TGFBR3: variants seen among roughly 807,000 people sequenced by gnomAD.
TGFBR3 encodes the protein transforming growth factor beta receptor type 3.
In TGFBR3, 46 loss-of-function variants were observed where a neutral mutation model predicts 87.9. The ratio of observed to expected loss-of-function variants is 0.52; its 90% CI spans 0.41 to 0.67. The LOEUF (loss-of-function observed/expected upper bound fraction) is 0.67, where lower values mean the gene tolerates loss of function less well. TGFBR3 is among the 30% of genes least tolerant of loss of function. The pLI is 0.00. For synonymous variants in TGFBR3, 381 were observed against 391.6 expected, an observed-to-expected ratio of 0.97 and a Z score of 0.32; for missense variants, 866 against 1,041.9, an observed-to-expected ratio of 0.83 and a Z score of 2.32.
At chr1:91,695,401 TTAAACTCTAACAACAAAG>T in intron 16 of TGFBR3, 1 of 435,484 alleles carries the variant, frequency 2.3e-6, no homozygotes, top group East Asian at 4.9e-5. Flanking sequence ...TGCATTAACC[TTAAACTCTAACAACAAAG>T]TAGCTTTATT....
chr1:91,684,992 C>G (rs1488277566), intron 16 of TGFBR3, among the ~76,000 whole-genome samples: 1 of 152,154 alleles, frequency 6.6e-6, no homozygotes, highest in Non-Finnish European at 1.5e-5. Context: ...ACAAAACACT[C>G]GAGGAAAGGC....
intron 2 of TGFBR3, among the ~76,000 whole-genome samples, chr1:91,823,706 T>C (rs184514298): frequency 1.3e-5 from 2 of 152,334 alleles, no homozygotes; most frequent in African/African-American, 4.8e-5. Context: ...ACTGGGGATA[T>C]GGACTACAGG....
intron 1 of TGFBR3, among the ~76,000 whole-genome samples, chr1:91,864,778 C>T (rs528084382): frequency 8.5e-5 from 13 of 152,216 alleles, no homozygotes; most frequent in Non-Finnish European, 1.9e-4. Context: ...TTTGATAAAA[C>T]TAACGAAATA....
chr1:91,807,316 A>G lies in TGFBR3; in HGVS notation c.62-9845T>C, dbSNP rs151062995. Among the ~76,000 whole-genome samples, 435 of 152,332 alleles carry G rather than the reference A, an allele frequency of 2.9e-3. 3 individuals carry two copies. Among genetic ancestry groups the G allele is most frequent in the African/African-American group, 9.8e-3 (409 of 41,574 alleles). ...ATTTGGATTTCTCAGGGGGAAAAAAACTAGATTTTTCTACAGCACAACTCT... is the reference window on the plus strand; with the variant it reads ...ATTTGGATTTCTCAGGGGGAAAAAAGCTAGATTTTTCTACAGCACAACTCT... On this transcript the variant is annotated intron_variant, in intron 2 of 16. Coordinates refer to ENST00000212355, the MANE Select transcript of TGFBR3 (RefSeq NM_003243.5).
At chr1:91,817,346 T>C (rs899377574) in intron 2 of TGFBR3, among the ~76,000 whole-genome samples, 2 of 152,222 alleles carry the variant, frequency 1.3e-5, no homozygotes, top group African/African-American at 4.8e-5. Context: ...CTGTGTAATA[T>C]ATAAGATGTA....
intron 3 of TGFBR3, among the ~76,000 whole-genome samples, chr1:91,764,308 C>T (rs1408338070): frequency 5.5e-5 from 1 of 18,300 alleles, no homozygotes; most frequent in South Asian, 1.5e-3. Flanking sequence ...AATATAACCA[C>T]AAAAGAGACA....
intron 1 of TGFBR3, among the ~76,000 whole-genome samples, chr1:91,865,932 A>G (rs1041648144): frequency 1.4e-5 from 2 of 147,024 alleles, no homozygotes; most frequent in African/African-American, 2.5e-5. Flanking sequence ...AAAAAAAAAG[A>G]AAATTCTTAG....
At chr1:91,851,626 T>A (rs140059242) in intron 2 of TGFBR3, among the ~76,000 whole-genome samples, 1 of 152,204 alleles carries the variant, frequency 6.6e-6, no homozygotes, top group Non-Finnish European at 1.5e-5. Context: ...TAATTTCCTA[T>A]ATACACAACC....
chr1:91,883,117 T>A (rs1006643197), intron 1 of TGFBR3, among the ~76,000 whole-genome samples: 1 of 152,212 alleles, frequency 6.6e-6, no homozygotes, highest in Admixed American at 6.5e-5. Context: ...TGGATTTCCA[T>A]TTCTCCCAGG....
chr1:91,701,673 T>C (rs1483351820), intron 14 of TGFBR3, among the ~76,000 whole-genome samples: 1 of 152,204 alleles, frequency 6.6e-6, no homozygotes, highest in African/African-American at 2.4e-5. Context: ...CATGAGTAAC[T>C]GACCACAGCT....
At chr1:91,717,025 A>AGAATGGAGTT (rs1484773509) in intron 10 of TGFBR3, among the ~76,000 whole-genome samples, 3 of 152,240 alleles carry the variant, frequency 2.0e-5, no homozygotes, top group Non-Finnish European at 4.4e-5. Flanking sequence ...ACTAGATACT[A>AGAATGGAGTT]GAATGGAGTT....
rs200104902 is a variant in TGFBR3, at chr1:91,720,091, G to C, written c.1215C>G (p.Phe405Leu). 6.2e-7 allele frequency: 1 copy of C among 1,614,170 alleles called. No homozygotes were observed. Among genetic ancestry groups the C allele is most frequent in the African/African-American group, 1.3e-5 (1 of 75,040 alleles). The change falls in exon 9 of 17, where the codon TTC (phenylalanine) becomes TTG (leucine). Residue 405 changes from phenylalanine (F) to leucine (L), a missense_variant. Transcript: ENST00000212355. ...EGQNGGLPFP[F>L]PDISRRVWNE... ...TCCAGACTCTCCTGGAAATATCTGG[G>C]AAAGGAAACGGAAGGCCTCCATTTT...
intron 3 of TGFBR3, chr1:91,786,261 A>G (rs1386752859): frequency 2.2e-6 from 1 of 456,074 alleles, no homozygotes; most frequent in Non-Finnish European, 4.4e-6. Flanking sequence ...TTATGAGAGC[A>G]TTATTTAGAG....
intron 2 of TGFBR3, among the ~76,000 whole-genome samples, chr1:91,840,149 TAA>T (rs779696669): frequency 1.2e-4 from 17 of 139,990 alleles, no homozygotes; most frequent in Non-Finnish European, 1.1e-4. Context: ...ATCTCTACTT[TAA>T]AAAAAAAAAA....
chr1:91,749,463 T>C (rs1459256503), intron 4 of TGFBR3, among the ~76,000 whole-genome samples: 2 of 152,096 alleles, frequency 1.3e-5, no homozygotes, highest in African/African-American at 4.8e-5. Flanking sequence ...CAAAAGCAGA[T>C]CTTGAGAAAA....
In TGFBR3 at chr1:91,734,616, G is replaced by A. The variant is rs567794650; in HGVS notation, c.568+160C>T. On this transcript the variant is annotated intron_variant, in intron 5 of 16. Coordinates refer to ENST00000212355, the MANE Select transcript of TGFBR3 (RefSeq NM_003243.5). ...GAGGAAAAAAGAAGGGAGGGAATAT[G>A]GGGGGCGGTGGAGAGGCCTGGGGCC... 4.6e-5 allele frequency among the ~76,000 whole-genome samples: 7 copies of A among 152,340 alleles called. No homozygotes were observed. The East Asian group carries it at 5.8e-4, about 13-fold the overall frequency.
In TGFBR3 at chr1:91,680,887, T is replaced by A. The variant is rs1557651703; in HGVS notation, c.*2852A>T. On this transcript the variant is annotated 3_prime_UTR_variant, in exon 17 of 17. Transcript: ENST00000212355. ...ACCATTTTTTTTGTTTAGAAAATGCTATAGAAACAGTTTAGACAGAAGAAA... is the reference window on the plus strand; with the variant it reads ...ACCATTTTTTTTGTTTAGAAAATGCAATAGAAACAGTTTAGACAGAAGAAA... The A allele has an allele frequency of 2.2e-6, 1 of 451,466 alleles. No individual in the cohort carries two copies. Among genetic ancestry groups the A allele is most frequent in the African/African-American group, 2.0e-5 (1 of 49,914 alleles). The allele number at this position is 451,466 out of a possible 1,614,324, so 28.0% of individuals were successfully genotyped here. A position where few individuals can be genotyped will look rare whatever the true frequency, so the allele number is the denominator to read the frequency against.
At chr1:91,765,776 A>T (rs1035604901) in intron 3 of TGFBR3, among the ~76,000 whole-genome samples, 1 of 152,258 alleles carries the variant, frequency 6.6e-6, no homozygotes, top group African/African-American at 2.4e-5. Flanking sequence ...TATCTTTTAG[A>T]GGCATAGAAT....
At chr1:91,877,999 T>A (rs949965956) in intron 1 of TGFBR3, among the ~76,000 whole-genome samples, 4 of 152,234 alleles carry the variant, frequency 2.6e-5, no homozygotes, top group African/African-American at 9.6e-5. Context: ...GGGAAGACCT[T>A]ACGCTGCAAT....
Sources: allele counts gnomAD v4.1 joint callset (sites outside exome capture counted in the v4.1 genomes callset), GRCh38; gene constraint gnomAD v4.1.1; transcripts MANE v1.5; gene names NCBI Gene and HGNC (gene_info 2026-07-23, HGNC 2026-07-21).